The following UNC13A variants were observed in gnomAD, a reference collection of about 807,000 sequenced individuals.
The protein encoded by UNC13A is unc-13 homolog A.
A neutral mutation model predicts 219.7 loss-of-function variants in UNC13A; 61 were observed. The ratio of observed to expected loss-of-function variants is 0.28; its 90% confidence interval spans 0.23 to 0.34. The LOEUF is 0.34. Among genes scored for constraint, UNC13A ranks in the 10% least tolerant of loss-of-function variants. The probability of loss-of-function intolerance (pLI) is 1.00; values close to 1 mark genes in which losing one functional copy is unlikely to be tolerated. For synonymous variants in UNC13A, 920 were observed against 884.6 expected (o/e 1.04, Z -0.71); for missense variants, 1,476 against 2,270.3 (o/e 0.65, Z 7.11).
At position 17,657,468 on chromosome 19, in the gene UNC13A, C is replaced by T. The variant is rs188584465; in HGVS notation, c.767+594G>A. ...TATGTGAACCCAGGATCGTGCTCAA[C>T]GTCAACAGCAATATCTGTCTCTGTC... On this transcript the variant is annotated intron_variant, in intron 9 of 43. Coordinates refer to ENST00000519716, the MANE Select transcript of UNC13A (RefSeq NM_001080421.3). 4.2e-3 allele frequency among the ~76,000 whole-genome samples: 636 copies of T among 152,322 alleles called. 2 individuals are homozygous for T. The highest frequency in any genetic ancestry group is 7.1e-3 in the Non-Finnish European group (481 of 68,042).
At chr19:17,647,555 C>A in intron 16 of UNC13A, 63 bp from the exon 17 acceptor site, 3 of 1,495,798 alleles carry the variant, frequency 2.0e-6, no homozygotes, top group South Asian at 1.2e-5. Context: ...CTCACCAAGG[C>A]GAGAGCCCCG....
In UNC13A at chr19:17,654,152, C is replaced by T. The variant is rs145554004; in HGVS notation, c.1392+1122G>A. ...ATCACTTCTCCTTAAGTGTCATCTC[C>T]TCCAGGGAGTTTTCCTGATTGCCTT... On this transcript the variant is annotated intron_variant, in intron 11 of 43. Transcript: ENST00000519716. 6.0e-4 allele frequency among the ~76,000 whole-genome samples: 92 copies of T among 152,294 alleles called. 2 individuals carry two copies. In the Middle Eastern group the frequency reaches 0.017, roughly 28 times the overall value.
intron 26 of UNC13A, among the ~76,000 whole-genome samples, chr19:17,635,563 T>C (rs2076904870): frequency 1.3e-5 from 2 of 152,176 alleles, no homozygotes; most frequent in South Asian, 4.1e-4. Context: ...GTACGTTGAA[T>C]TGCATTCAAT....
rs377141783 is a variant in UNC13A at position 17,679,172 on chromosome 19, GGT to G, written c.23-3133_23-3132del. ...ATCCCAGCACTTTGAGGCCGAGGCA[GGT>G]GGATCACATGAGGTCAGGAGTTCGA... is the stretch of plus-strand genomic sequence containing the variant. On this transcript the variant is annotated intron_variant, in intron 1 of 43. Coordinates refer to ENST00000519716, the MANE Select transcript of UNC13A (RefSeq NM_001080421.3). 1.5e-4 allele frequency among the ~76,000 whole-genome samples: 23 copies of G among 152,230 alleles called. No individual in the cohort carries two copies. The South Asian group carries it at 4.8e-3, about 32-fold the overall frequency.
intron 15 of UNC13A, 86 bp from the exon 16 acceptor site, chr19:17,648,736 G>A: frequency 1.3e-6 from 2 of 1,545,682 alleles, no homozygotes; most frequent in East Asian, 4.5e-5. Context: ...CACTGAGCGC[G>A]GTAAAGTCCC....
chr19:17,633,792 C>T (rs148714145), intron 26 of UNC13A, among the ~76,000 whole-genome samples: 31 of 151,708 alleles, frequency 2.0e-4, no homozygotes, highest in Non-Finnish European at 3.4e-4. Context: ...CATCCATCCA[C>T]TCAACCACCC....
intron 1 of UNC13A, among the ~76,000 whole-genome samples, chr19:17,686,833 A>G (rs1472096623): frequency 1.8e-4 from 22 of 119,926 alleles, no homozygotes; most frequent in Admixed American, 1.7e-3. Flanking sequence ...GAGGGGAGGG[A>G]GGAGGAGGGG....
intron 31 of UNC13A, among the ~76,000 whole-genome samples, chr19:17,628,692 C>A (rs919358272): frequency 1.1e-4 from 17 of 152,146 alleles, no homozygotes; most frequent in Non-Finnish European, 1.9e-4. Context: ...CCGGTTAACA[C>A]AGATGAAACA....
intron 2 of UNC13A, 81 bp downstream of exon 2, chr19:17,675,931 C>A: frequency 6.6e-7 from 1 of 1,515,954 alleles, no homozygotes; most frequent in South Asian, 1.2e-5. Context: ...TAAGTCTGGG[C>A]TGGGACCCCC....
intron 27 of UNC13A, 46 bp from the exon 28 acceptor site, chr19:17,632,954 C>T (rs1453824771): frequency 6.2e-7 from 1 of 1,612,728 alleles, no homozygotes; most frequent in Non-Finnish European, 8.5e-7. Context: ...GGTCTGCCAC[C>T]CTCTGTCTCG....
chr19:17,636,880 A>T (rs1328132375), intron 25 of UNC13A, among the ~76,000 whole-genome samples: 1 of 152,230 alleles, frequency 6.6e-6, no homozygotes, highest in Non-Finnish European at 1.5e-5. Context: ...CCAGTTGAGA[A>T]CAACTTGACT....
chr19:17,645,635 G>A, intron 19 of UNC13A, 39 bp downstream of exon 19: 1 of 1,611,298 alleles, frequency 6.2e-7, no homozygotes, highest in Non-Finnish European at 8.5e-7. Context: ...GGATCCCTGG[G>A]ACCCGTCCCC....
chr19:17,670,007 C>T (rs559727724), intron 4 of UNC13A, among the ~76,000 whole-genome samples: 11 of 146,026 alleles, frequency 7.5e-5, no homozygotes, highest in African/African-American at 2.3e-4. Context: ...AGTGCAGTGG[C>T]GCGATCTCGG....
intron 8 of UNC13A, among the ~76,000 whole-genome samples, chr19:17,662,327 T>C (rs1382320340): frequency 2.0e-5 from 3 of 152,016 alleles, no homozygotes; most frequent in Non-Finnish European, 2.9e-5. Flanking sequence ...GTGCTCCTTA[T>C]GAGAATCTAA....
At position 17,655,162 on chromosome 19, in the gene UNC13A, G is replaced by C. The variant is rs990502116; in HGVS notation, c.1392+112C>G. ...CCCAGGCTAGGCTTGGGTACGGGTGGGGTGTTGGGCGTGGCCAATATAGGT... is the reference window on the plus strand; with the variant it reads ...CCCAGGCTAGGCTTGGGTACGGGTGCGGTGTTGGGCGTGGCCAATATAGGT... On this transcript the variant is annotated intron_variant, in intron 11 of 43. Transcript: ENST00000519716. The C allele has an allele frequency of 3.5e-6, 3 of 845,326 alleles. No individual in the cohort carries two copies. In the African/African-American group the frequency reaches 5.0e-5, roughly 14 times the overall value. 52.4% of individuals were successfully genotyped at this position (845,326 alleles called of 1,614,324 possible).
chr19:17,616,388 C>CGGGAGGCGGA (rs900080649), intron 41 of UNC13A: 2 of 587,132 alleles, frequency 3.4e-6, no homozygotes, highest in Non-Finnish European at 6.4e-6. Context: ...GGGCGGCGGG[C>CGGGAGGCGGA]GGGAGGCGGA....
At chr19:17,647,600 C>A (rs1219265377) in intron 16 of UNC13A, 108 bp from the exon 17 acceptor site, 1 of 1,063,118 alleles carries the variant, frequency 9.4e-7, no homozygotes. Context: ...TCAGGTGTCA[C>A]CCCCTGAAGC....
Position 17,627,728 on chromosome 19 carries a change from C to A in UNC13A, c.3832-131G>T. ...AACTGAGGCACAGACCGTTATGCTG[C>A]AAGCCTGGGTTTAAGGCCATGGTTG... On this transcript the variant is annotated intron_variant, in intron 32 of 43. Coordinates refer to ENST00000519716, the MANE Select transcript of UNC13A (RefSeq NM_001080421.3). This position sits in a 1 kb window ranked among gnomAD's most constrained non-coding sequence, Gnocchi z 4.7. 1 of 1,266,388 alleles carries A rather than the reference C, an allele frequency of 7.9e-7. No individual in the cohort carries two copies. The highest frequency in any genetic ancestry group is 1.3e-5 in the South Asian group (1 of 75,580). 78.4% of individuals were successfully genotyped at this position (1,266,388 alleles called of 1,614,324 possible).
At chr19:17,663,060 G>A (rs1220281888) in intron 8 of UNC13A, among the ~76,000 whole-genome samples, 1 of 151,986 alleles carries the variant, frequency 6.6e-6, no homozygotes, top group Non-Finnish European at 1.5e-5. Flanking sequence ...AGGTCCCTGT[G>A]TGCATCTCCC....
Sources: gnomAD v4.1 joint callset for allele counts (sites outside exome capture counted in the v4.1 genomes callset) on GRCh38, gnomAD v4.1.1 for gene constraint, Gnocchi (gnomAD v3.1) non-coding constraint, MANE v1.5 for transcripts, NCBI Gene and HGNC (gene_info 2026-07-23, HGNC 2026-07-21) for gene names.